The following SORCS3 variants were observed in gnomAD, a reference collection of about 807,000 sequenced individuals.
SORCS3 encodes sortilin related VPS10 domain containing receptor 3.
In SORCS3, 57 loss-of-function variants were observed where a neutral mutation model predicts 146.3. That is an observed-to-expected ratio of 0.39 (90% CI 0.31 to 0.49). The LOEUF (loss-of-function observed/expected upper bound fraction) is 0.49. Among genes scored for constraint, SORCS3 ranks in the 20% least tolerant of loss-of-function variants. The pLI, the probability that SORCS3 is intolerant of heterozygous loss-of-function variation, is 0.92. For synonymous variants in SORCS3, 653 were observed against 618.5 expected (o/e 1.06, Z -0.83); for missense variants, 1,341 against 1,575.5 (o/e 0.85, Z 2.52).
At chr10:104,875,918 C>T (rs2018566672) in intron 2 of SORCS3, among the ~76,000 whole-genome samples, 1 of 152,276 alleles carries the variant, frequency 6.6e-6, no homozygotes, top group African/African-American at 2.4e-5. Flanking sequence ...AATAGACTCA[C>T]ATGGCAAAAG....
intron 2 of SORCS3, among the ~76,000 whole-genome samples, chr10:104,871,040 C>T (rs564233146): frequency 6.6e-6 from 1 of 152,240 alleles, no homozygotes; most frequent in South Asian, 2.1e-4. Flanking sequence ...CAGGGATGAC[C>T]CTCTGTGCTT....
At chr10:104,950,072 G>C (rs766479837) in intron 3 of SORCS3, among the ~76,000 whole-genome samples, 1 of 152,210 alleles carries the variant, frequency 6.6e-6, no homozygotes, top group Non-Finnish European at 1.5e-5. Context: ...AGGACAATAA[G>C]AGATAAGATG....
At chr10:105,240,794 C>T (rs1302624338) in intron 20 of SORCS3, among the ~76,000 whole-genome samples, 1 of 152,030 alleles carries the variant, frequency 6.6e-6, no homozygotes, top group Non-Finnish European at 1.5e-5. Flanking sequence ...CTAAGTCAAT[C>T]TCCAGCCCAG....
chr10:104,818,144 A>G (rs893352727), intron 1 of SORCS3, among the ~76,000 whole-genome samples: 1 of 151,976 alleles, frequency 6.6e-6, no homozygotes, highest in Non-Finnish European at 1.5e-5. Flanking sequence ...GCTCCAGGAA[A>G]CTTTCCTACT....
At chr10:105,060,232 C>T (rs925594754) in intron 5 of SORCS3, among the ~76,000 whole-genome samples, 4 of 152,018 alleles carry the variant, frequency 2.6e-5, no homozygotes, top group African/African-American at 4.8e-5. Context: ...TAATGGCGGA[C>T]ATTTCAGTCA....
At chr10:105,124,305 C>T (rs6584654) in intron 7 of SORCS3, among the ~76,000 whole-genome samples, 77,364 of 151,950 alleles carry the variant, frequency 0.51, 19,977 homozygotes, top group Admixed American at 0.55. Flanking sequence ...AGGATGGGCC[C>T]GATTACCCCT....
At chr10:104,645,221 C>T (rs902836836) in intron 1 of SORCS3, among the ~76,000 whole-genome samples, 1 of 152,106 alleles carries the variant, frequency 6.6e-6, no homozygotes, top group African/African-American at 2.4e-5. Flanking sequence ...TTTTTCTCTC[C>T]AGTTGCCTCC....
intron 1 of SORCS3, among the ~76,000 whole-genome samples, chr10:104,772,075 G>A (rs2017255891): frequency 6.6e-6 from 1 of 152,206 alleles, no homozygotes; most frequent in Admixed American, 6.5e-5. Context: ...CTTGGGTGTG[G>A]GGATGACCCC....
chr10:104,955,451 C>T (rs995805630), intron 3 of SORCS3, among the ~76,000 whole-genome samples: 2 of 152,142 alleles, frequency 1.3e-5, no homozygotes, highest in Admixed American at 6.5e-5. Context: ...CATGTTTTGG[C>T]CACATTTTGT....
At position 104,723,142 on chromosome 10, in the gene SORCS3, T is replaced by G. The variant is rs1589473139; in HGVS notation, c.627+81188T>G. Among the ~76,000 whole-genome samples, 6 of 152,354 alleles carry G rather than the reference T, an allele frequency of 3.9e-5. No homozygotes were observed. The East Asian group carries it at 1.2e-3, about 29-fold the overall frequency. ...GTGCTATAAATTTCCCTCTACACAC[T>G]GCTTTGAATGTGTCCCAGAGATTCT... On this transcript the variant is annotated intron_variant, in intron 1 of 26. Coordinates refer to ENST00000369701, the MANE Select transcript of SORCS3 (RefSeq NM_014978.3).
chr10:104,993,387 G>A (rs1031942163), intron 4 of SORCS3, among the ~76,000 whole-genome samples: 6 of 152,220 alleles, frequency 3.9e-5, no homozygotes, highest in Admixed American at 2.6e-4. Flanking sequence ...TCTACCAGTA[G>A]CTGTCTGAGT....
chr10:104,700,731 G>A (rs1026727858), intron 1 of SORCS3, among the ~76,000 whole-genome samples: 2 of 152,130 alleles, frequency 1.3e-5, no homozygotes, highest in African/African-American at 4.8e-5. Context: ...GGGCTTTATG[G>A]TCTTTTGGCT....
chr10:104,921,741 A>C (rs1353940539), intron 3 of SORCS3, among the ~76,000 whole-genome samples: 1 of 152,072 alleles, frequency 6.6e-6, no homozygotes, highest in Non-Finnish European at 1.5e-5. Context: ...TTTGGAAAAT[A>C]GCTAATAAGA....
In SORCS3 at chr10:104,871,800, T is replaced by C. The variant is rs985351978; in HGVS notation, c.695+28941T>C. On this transcript the variant is annotated intron_variant, in intron 2 of 26. Transcript: ENST00000369701. The stretch of plus-strand genomic sequence containing the variant: ...TGTTTTTGCCCTTCCCAGAAACCTG[T>C]CGAGGTGAGGGCAGGGAGTTCCTGG... Among the ~76,000 whole-genome samples, 4 of 152,132 alleles carry C rather than the reference T, an allele frequency of 2.6e-5. No homozygotes were observed. The East Asian group carries it at 5.8e-4, about 22-fold the overall frequency.
chr10:104,892,444 G>A (rs1026095117), intron 2 of SORCS3, among the ~76,000 whole-genome samples: 1 of 152,164 alleles, frequency 6.6e-6, no homozygotes, highest in Non-Finnish European at 1.5e-5. Flanking sequence ...GTATCTGGCC[G>A]GGAGCAGTGT....
chr10:104,693,071 C>A (rs1033732793), intron 1 of SORCS3, among the ~76,000 whole-genome samples: 3 of 152,226 alleles, frequency 2.0e-5, no homozygotes, highest in Non-Finnish European at 4.4e-5. Context: ...CTTTGAGCCA[C>A]ATAAGCTTCA....
chr10:104,683,996 A>T (rs1250103233), intron 1 of SORCS3, among the ~76,000 whole-genome samples: 1 of 152,226 alleles, frequency 6.6e-6, no homozygotes, highest in Non-Finnish European at 1.5e-5. Flanking sequence ...ATAGTAACAG[A>T]GAATGTTGTC....
intron 3 of SORCS3, among the ~76,000 whole-genome samples, chr10:104,975,262 A>C (rs998622987): frequency 6.6e-6 from 1 of 152,160 alleles, no homozygotes; most frequent in African/African-American, 2.4e-5. Context: ...CTTATACACC[A>C]ATAACAGACA....
intron 7 of SORCS3, among the ~76,000 whole-genome samples, chr10:105,109,748 A>G (rs1333598989): frequency 6.6e-6 from 1 of 152,042 alleles, no homozygotes; most frequent in Non-Finnish European, 1.5e-5. Flanking sequence ...CCTTTAAAAA[A>G]TATTTTGGCC....
Sources: allele counts gnomAD v4.1 joint callset (sites outside exome capture counted in the v4.1 genomes callset), GRCh38; gene constraint gnomAD v4.1.1; transcripts MANE v1.5; gene names NCBI Gene and HGNC (gene_info 2026-07-23, HGNC 2026-07-21).